The following ZNF804B variants were observed in gnomAD, a reference collection of about 807,000 sequenced individuals.
ZNF804B encodes the protein zinc finger protein 804B.
A neutral mutation model predicts 101.4 loss-of-function variants in ZNF804B; 80 were observed. The observed-to-expected ratio is 0.79, with a 90% CI of 0.66 to 0.95. The LOEUF (loss-of-function observed/expected upper bound fraction) is 0.95, where lower values mean the gene tolerates loss of function less well. Among genes scored for constraint, ZNF804B ranks in the 40% least tolerant of loss-of-function variants. ZNF804B has a pLI of 0.00. For synonymous variants in ZNF804B, 622 were observed against 558.8 expected, an observed-to-expected ratio of 1.11 and a Z score of -1.59; for missense variants, 1,673 against 1,561.9, an observed-to-expected ratio of 1.07 and a Z score of -1.20.
chr7:89,280,907 A>G (rs1790084449), intron 2 of ZNF804B, among the ~76,000 whole-genome samples: 1 of 152,236 alleles, frequency 6.6e-6, no homozygotes, highest in African/African-American at 2.4e-5. Context: ...TCATTTTATA[A>G]AGGAGTTTTT....
At chr7:89,207,247 A>G (rs982546459) in intron 1 of ZNF804B, among the ~76,000 whole-genome samples, 1 of 152,198 alleles carries the variant, frequency 6.6e-6, no homozygotes, top group African/African-American at 2.4e-5. Context: ...ATAAAGACAT[A>G]CCTAAGACTG....
intron 1 of ZNF804B, among the ~76,000 whole-genome samples, chr7:88,850,309 A>G (rs185691324): frequency 9.2e-5 from 14 of 152,220 alleles, no homozygotes; most frequent in Non-Finnish European, 1.8e-4. Flanking sequence ...TAAGGAGATA[A>G]AACTGGTCAT....
At chr7:89,258,135 CTATT>C (rs1466681213) in intron 2 of ZNF804B, among the ~76,000 whole-genome samples, 11 of 151,638 alleles carry the variant, frequency 7.3e-5, no homozygotes, top group African/African-American at 2.7e-4. Flanking sequence ...AGTATAACAA[CTATT>C]TATATAAACT....
At chr7:88,929,763 G>T (rs538063417) in intron 1 of ZNF804B, among the ~76,000 whole-genome samples, 1 of 151,926 alleles carries the variant, frequency 6.6e-6, no homozygotes, top group Non-Finnish European at 1.5e-5. Context: ...ACTATCATTA[G>T]TGTAATGGTG....
rs1268710930 is a variant in ZNF804B at position 89,115,700 on chromosome 7, A to G, written c.109-102455A>G. On this transcript the variant is annotated intron_variant, in intron 1 of 3. Coordinates refer to ENST00000333190, the MANE Select transcript of ZNF804B (RefSeq NM_181646.5). ...AACTGCTCTTATAGATGATTAAGAAATTGTGTATATTTAAATAATAATAAA... is the reference window on the plus strand; with the variant it reads ...AACTGCTCTTATAGATGATTAAGAAGTTGTGTATATTTAAATAATAATAAA... 2.0e-5 allele frequency among the ~76,000 whole-genome samples: 3 copies of G among 152,314 alleles called. No individual in the cohort carries two copies. In the East Asian group the frequency reaches 5.8e-4, roughly 29 times the overall value.
intron 1 of ZNF804B, among the ~76,000 whole-genome samples, chr7:88,964,329 C>T (rs1260006194): frequency 1.3e-5 from 2 of 151,396 alleles, no homozygotes; most frequent in African/African-American, 4.8e-5. Flanking sequence ...TATATACATA[C>T]AATGAAATAT....
chr7:88,888,943 T>G (rs1314937351), intron 1 of ZNF804B, among the ~76,000 whole-genome samples: 1 of 152,182 alleles, frequency 6.6e-6, no homozygotes, highest in African/African-American at 2.4e-5. Context: ...GCCCTCTTCC[T>G]CTCTCCTGCC....
rs542148602 is a variant in ZNF804B at position 89,087,259 on chromosome 7, T to C, written c.109-130896T>C. Among the ~76,000 whole-genome samples, 571 of 151,982 alleles carry C rather than the reference T, an allele frequency of 3.8e-3. 2 individuals carry two copies. The highest frequency in any genetic ancestry group is 0.031 in the South Asian group (150 of 4,826). On this transcript the variant is annotated intron_variant, in intron 1 of 3. Coordinates refer to ENST00000333190, the MANE Select transcript of ZNF804B (RefSeq NM_181646.5). ...ACAAACAGTGATCATTTTCAATTCT[T>C]GATTTGCCCTTGTTTAAATTGTAGC... is the stretch of plus-strand genomic sequence containing the variant.
chr7:89,075,605 T>C (rs1789604823), intron 1 of ZNF804B, among the ~76,000 whole-genome samples: 1 of 152,180 alleles, frequency 6.6e-6, no homozygotes, highest in Non-Finnish European at 1.5e-5. Context: ...GAACATCTGC[T>C]AGCCCAGTGT....
rs147427472 is a variant in ZNF804B, at chr7:88,955,084, C to G, written c.108+195000C>G. ...AAACCAGCATGGGCAATATCGTGAG[C>G]CCTTGTCTCTATTTAAAAAAAAAAA... On this transcript the variant is annotated intron_variant, in intron 1 of 3. Transcript: ENST00000333190. Among the ~76,000 whole-genome samples, 9 of 144,870 alleles carry G rather than the reference C, an allele frequency of 6.2e-5. No homozygotes were observed. In the East Asian group the frequency reaches 1.8e-3, roughly 30 times the overall value.
intron 1 of ZNF804B, among the ~76,000 whole-genome samples, chr7:89,192,776 C>T (rs1788476470): frequency 6.6e-6 from 1 of 151,966 alleles, no homozygotes; most frequent in Non-Finnish European, 1.5e-5. Context: ...AAACCAAATC[C>T]AGCAGCACAT....
In ZNF804B at chr7:89,202,364, C is replaced by T. The variant is rs1788654861; in HGVS notation, c.109-15791C>T. The stretch of plus-strand genomic sequence containing the variant: ...ATTTATTATAGCTACAACTAGTGAT[C>T]TATGGACTAGCAAAACTCTAAATGC... On this transcript the variant is annotated intron_variant, in intron 1 of 3. Transcript: ENST00000333190. 2.0e-5 allele frequency among the ~76,000 whole-genome samples: 3 copies of T among 151,976 alleles called. No homozygotes were observed. In the South Asian group the frequency reaches 6.2e-4, roughly 31 times the overall value.
intron 2 of ZNF804B, among the ~76,000 whole-genome samples, chr7:89,289,071 A>G (rs1405553280): frequency 6.6e-6 from 1 of 152,228 alleles, no homozygotes; most frequent in Non-Finnish European, 1.5e-5. Context: ...TACTAAAAGA[A>G]TAATGAAACA....
intron 1 of ZNF804B, among the ~76,000 whole-genome samples, chr7:88,895,136 A>G (rs778213103): frequency 2.0e-5 from 3 of 152,226 alleles, no homozygotes; most frequent in Non-Finnish European, 4.4e-5. Flanking sequence ...TTGGAAATGA[A>G]GGGAGATTGT....
intron 1 of ZNF804B, among the ~76,000 whole-genome samples, chr7:89,094,679 T>G (rs1310400222): frequency 6.6e-6 from 1 of 152,192 alleles, no homozygotes; most frequent in Middle Eastern, 3.4e-3. Context: ...TATACATTTT[T>G]TTTTCAGTTT....
At chr7:88,906,308 T>C (rs1369688316) in intron 1 of ZNF804B, among the ~76,000 whole-genome samples, 1 of 152,180 alleles carries the variant, frequency 6.6e-6, no homozygotes, top group East Asian at 1.9e-4. Context: ...GATTGGTTTG[T>C]TCTTTTCTTC....
intron 1 of ZNF804B, among the ~76,000 whole-genome samples, chr7:89,215,105 C>A (rs1451931932): frequency 1.3e-5 from 2 of 152,096 alleles, no homozygotes; most frequent in Non-Finnish European, 2.9e-5. Flanking sequence ...AATAAAGAGG[C>A]CAGAATATGC....
At chr7:89,277,669 G>C (rs535863273) in intron 2 of ZNF804B, among the ~76,000 whole-genome samples, 16 of 151,328 alleles carry the variant, frequency 1.1e-4, no homozygotes, top group Admixed American at 3.3e-4. Flanking sequence ...TCCCTACAAA[G>C]GACATGAACT....
chr7:89,044,898 A>T (rs1052488332), intron 1 of ZNF804B, among the ~76,000 whole-genome samples: 1 of 152,228 alleles, frequency 6.6e-6, no homozygotes, highest in Non-Finnish European at 1.5e-5. Context: ...TGCATAAGTA[A>T]CAAGGAGCCG....
Sources: allele counts gnomAD v4.1 joint callset (sites outside exome capture counted in the v4.1 genomes callset), GRCh38; gene constraint gnomAD v4.1.1; transcripts MANE v1.5; gene names NCBI Gene and HGNC (gene_info 2026-07-23, HGNC 2026-07-21).